Variants in PLCB1 observed in about 807,000 individuals in gnomAD.
PLCB1 encodes 1-phosphatidylinositol 4,5-bisphosphate phosphodiesterase beta-1.
PLCB1 carries 46 observed loss-of-function variants against 161.8 expected under a neutral mutation model. That is an observed-to-expected ratio of 0.28 (90% CI 0.22 to 0.36). The LOEUF (loss-of-function observed/expected upper bound fraction) is 0.36, where lower values mean the gene tolerates loss of function less well. PLCB1 is among the 10% of genes least tolerant of loss of function. The pLI is 1.00. For synonymous variants in PLCB1, 517 were observed against 503.7 expected (o/e 1.03, Z -0.35); for missense variants, 1,016 against 1,472.5 (o/e 0.69, Z 5.07).
chr20:8,358,439 T>C (rs1986434509), intron 2 of PLCB1, among the ~76,000 whole-genome samples: 1 of 152,032 alleles, frequency 6.6e-6, no homozygotes, highest in Non-Finnish European at 1.5e-5. Context: ...TTTGTACAGA[T>C]GGGGTTTCAC....
intron 3 of PLCB1, among the ~76,000 whole-genome samples, chr20:8,573,498 A>G (rs919129808): frequency 6.6e-6 from 1 of 152,216 alleles, no homozygotes; most frequent in Non-Finnish European, 1.5e-5. Context: ...TGTAAACTAT[A>G]TATTCATGAG....
At chr20:8,208,936 A>T (rs1978673365) in intron 2 of PLCB1, among the ~76,000 whole-genome samples, 1 of 152,304 alleles carries the variant, frequency 6.6e-6, no homozygotes, top group African/African-American at 2.4e-5. Context: ...ATGATATTAA[A>T]ATTTTTCTCA....
intron 3 of PLCB1, among the ~76,000 whole-genome samples, chr20:8,415,517 C>T (rs1979230601): frequency 6.6e-6 from 1 of 152,010 alleles, no homozygotes; most frequent in Admixed American, 6.5e-5. Context: ...ATCCCAGGTA[C>T]CATAGTGAGT....
At chr20:8,696,617 C>T (rs1264972177) in intron 10 of PLCB1, among the ~76,000 whole-genome samples, 1 of 152,184 alleles carries the variant, frequency 6.6e-6, no homozygotes, top group African/African-American at 2.4e-5. Flanking sequence ...AAGTCTTCTG[C>T]TCCATGAACA....
rs113031297 is a variant in PLCB1 at position 8,698,281 on chromosome 20, C to T, written c.1167+498C>T. Among the ~76,000 whole-genome samples, 692 of 152,238 alleles carry T rather than the reference C, an allele frequency of 4.5e-3. 7 individuals carry two copies. Among genetic ancestry groups the T allele is most frequent in the African/African-American group, 0.015 (642 of 41,548 alleles). On this transcript the variant is annotated intron_variant, in intron 11 of 31. Coordinates refer to ENST00000338037, the MANE Select transcript of PLCB1 (RefSeq NM_015192.4). The stretch of plus-strand genomic sequence containing the variant: ...GACTATTACAGTGGTCCCTACTTTG[C>T]GCTTCTTTAGAGCACAAAGTACAAA...
intron 4 of PLCB1, among the ~76,000 whole-genome samples, chr20:8,644,661 A>T (rs1989096730): frequency 6.6e-6 from 1 of 151,136 alleles, no homozygotes; most frequent in African/African-American, 2.4e-5. Context: ...CTGGGAAGTG[A>T]GGAGCGTCTC....
intron 2 of PLCB1, among the ~76,000 whole-genome samples, chr20:8,354,009 A>G (rs1423531559): frequency 1.3e-5 from 2 of 150,944 alleles, no homozygotes; most frequent in African/African-American, 2.5e-5. Context: ...TCTAGAATAG[A>G]AGGCTATTTA....
chr20:8,741,255 T>C (rs1980864013), intron 22 of PLCB1, among the ~76,000 whole-genome samples: 2 of 152,128 alleles, frequency 1.3e-5, no homozygotes, highest in South Asian at 2.1e-4. Context: ...ATGTTCAAAG[T>C]GTTGGATAGA....
chr20:8,756,414 C>T (rs138837833), intron 23 of PLCB1, among the ~76,000 whole-genome samples: 2,722 of 152,284 alleles, frequency 0.018, 70 homozygotes, highest in African/African-American at 0.062. Context: ...TTATCCATCA[C>T]ATCGATTAGC....
chr20:8,807,219 G>A (rs1195235832), intron 31 of PLCB1, among the ~76,000 whole-genome samples: 3 of 152,210 alleles, frequency 2.0e-5, no homozygotes, highest in African/African-American at 7.2e-5. Context: ...AGGTGTTGGA[G>A]GACTCATTAA....
At chr20:8,163,560 C>T (rs947123628) in intron 2 of PLCB1, among the ~76,000 whole-genome samples, 3 of 152,196 alleles carry the variant, frequency 2.0e-5, no homozygotes, top group African/African-American at 7.2e-5. Context: ...CACCCATTCA[C>T]GAACAGTTCT....
At chr20:8,317,570 G>T (rs1383832394) in intron 2 of PLCB1, among the ~76,000 whole-genome samples, 1 of 151,722 alleles carries the variant, frequency 6.6e-6, no homozygotes, top group African/African-American at 2.4e-5. Flanking sequence ...TGCAATCAGG[G>T]CACTTGCAAA....
intron 23 of PLCB1, among the ~76,000 whole-genome samples, chr20:8,748,558 C>G (rs544647318): frequency 6.6e-6 from 1 of 152,280 alleles, no homozygotes; most frequent in East Asian, 1.9e-4. Context: ...AGTACAATAA[C>G]TTCAATATCC....
At chr20:8,702,015 G>A (rs559670864) in intron 11 of PLCB1, among the ~76,000 whole-genome samples, 52 of 152,268 alleles carry the variant, frequency 3.4e-4, no homozygotes, top group Non-Finnish European at 6.5e-4. Flanking sequence ...TCATTTTTAT[G>A]TCACCCAGTG....
chr20:8,457,329 A>C (rs1244856309), intron 3 of PLCB1, among the ~76,000 whole-genome samples: 1 of 152,118 alleles, frequency 6.6e-6, no homozygotes, highest in African/African-American at 2.4e-5. Context: ...TATTCCATGA[A>C]CAATGCCACC....
intron 3 of PLCB1, among the ~76,000 whole-genome samples, chr20:8,510,865 T>C (rs575735108): frequency 6.6e-6 from 1 of 152,332 alleles, no homozygotes; most frequent in East Asian, 1.9e-4. Context: ...AATTTTTATT[T>C]ATAATTGGCA....
At chr20:8,855,690 G>A (rs1352276392) in intron 31 of PLCB1, among the ~76,000 whole-genome samples, 2 of 152,142 alleles carry the variant, frequency 1.3e-5, no homozygotes, top group African/African-American at 2.4e-5. Flanking sequence ...TCAGAACACA[G>A]CATTTGTAAG....
At chr20:8,701,741 A>G (rs73895108) in intron 11 of PLCB1, among the ~76,000 whole-genome samples, 1 of 152,196 alleles carries the variant, frequency 6.6e-6, no homozygotes, top group East Asian at 1.9e-4. Context: ...AATGTTTTTG[A>G]ATGAATTTTC....
At chr20:8,135,188 G>A (rs544595739) in intron 1 of PLCB1, among the ~76,000 whole-genome samples, 37 of 152,290 alleles carry the variant, frequency 2.4e-4, no homozygotes, top group African/African-American at 8.7e-4. Context: ...TCTTTCACCA[G>A]TAAGCTGCAT....
Sources: gnomAD v4.1 joint callset for allele counts (sites outside exome capture counted in the v4.1 genomes callset) on GRCh38, gnomAD v4.1.1 for gene constraint, MANE v1.5 for transcripts, NCBI Gene and HGNC (gene_info 2026-07-23, HGNC 2026-07-21) for gene names.